Variants in SLC25A23 observed in about 807,000 individuals in gnomAD.
The protein encoded by SLC25A23 is solute carrier family 25 member 23.
In SLC25A23, 32 loss-of-function variants were observed where a neutral mutation model predicts 53.9. The ratio of observed to expected loss-of-function variants is 0.59; its 90% CI spans 0.45 to 0.80. The LOEUF is 0.80. Ranked by LOEUF, SLC25A23 falls within the 30% of genes least tolerant of loss-of-function variation. The pLI, the probability that SLC25A23 is intolerant of heterozygous loss-of-function variation, is 0.00. For missense variants in SLC25A23, 575 were observed against 651.4 expected (o/e 0.88, Z 1.28); for synonymous variants, 275 against 264.5 (o/e 1.04, Z -0.38).
chr19:6,442,536 C>T (rs545550076), intron 9 of SLC25A23, among the ~76,000 whole-genome samples: 1 of 152,228 alleles, frequency 6.6e-6, no homozygotes, highest in East Asian at 1.9e-4. Flanking sequence ...AGTCAGGCTC[C>T]TCCCTGCCCT....
In SLC25A23 at chr19:6,449,477, C is replaced by T. The variant is rs192982726; in HGVS notation, c.1071+2835G>A. 2.6e-3 allele frequency among the ~76,000 whole-genome samples: 388 copies of T among 151,640 alleles called. 1 individual carries two copies. Among genetic ancestry groups the T allele is most frequent in the South Asian group, 3.7e-3 (18 of 4,814 alleles). On this transcript the variant is annotated intron_variant, in intron 8 of 9. Coordinates refer to ENST00000301454, the MANE Select transcript of SLC25A23 (RefSeq NM_024103.3). ...TCACCCAGGCTGGAGTGCAGTGGCA[C>T]GATCTCAGCTCACTGCAAGCTCCGC...
Position 6,454,578 on chromosome 19 carries a change from C to A in SLC25A23, c.623G>T (p.Arg208Leu). 2 of 1,613,690 alleles carry A rather than the reference C, an allele frequency of 1.2e-6. No individual in the cohort carries two copies. Among genetic ancestry groups the A allele is most frequent in the Non-Finnish European group, 1.7e-6 (2 of 1,179,954 alleles). ...CCTCACCTGCATGAAGACCTTGAGGCGGTCCAGAGGGGCCGTGCCTGTCCG... is the reference window on the plus strand; with the variant it reads ...CCTCACCTGCATGAAGACCTTGAGGAGGTCCAGAGGGGCCGTGCCTGTCCG... ...VSRTGTAPLD[R>L]LKVFMQVHAS... Residue 208 changes from arginine to leucine, a missense_variant, in exon 5 of 10, where the codon CGC (arginine) becomes CTC (leucine). Physicochemically the swap from Arg to Leu is moderately radical, Grantham distance 102 (BLOSUM62 -2). Transcript: ENST00000301454. This position sits in a 1 kb window ranked among gnomAD's most constrained non-coding sequence, Gnocchi z 4.3.
chr19:6,444,037 G>T, intron 9 of SLC25A23, 114 bp downstream of exon 9: 2 of 1,131,296 alleles, frequency 1.8e-6, no homozygotes, highest in Non-Finnish European at 2.4e-6. Context: ...GGAAACGGAG[G>T]CCCAGAGAAG....
Position 6,456,523 on chromosome 19 carries a change from C to G in SLC25A23, c.380G>C (p.Arg127Pro). 6.2e-7 allele frequency: 1 copy of G among 1,612,700 alleles called. No individual in the cohort carries two copies. Among genetic ancestry groups the G allele is most frequent in the Non-Finnish European group, 8.5e-7 (1 of 1,179,800 alleles). Reference protein sequence around the residue: ...QAEKILHSMDRDGTMTIDWQE... With the variant: ...QAEKILHSMDPDGTMTIDWQE... ...CCAGTCAATGGTCATTGTGCCGTCT[C>G]GGTCCATGCTGGGGGGAAGAAAGGG... Residue 127 changes from arginine to proline, a missense_variant, in exon 4 of 10, where the codon CGA becomes CCA. Arg to Pro is a moderately radical substitution (Grantham distance 103, BLOSUM62 -2). Coordinates refer to ENST00000301454, the MANE Select transcript of SLC25A23 (RefSeq NM_024103.3).
At chr19:6,445,678 A>C (rs2092492551) in intron 8 of SLC25A23, among the ~76,000 whole-genome samples, 1 of 152,192 alleles carries the variant, frequency 6.6e-6, no homozygotes, top group Admixed American at 6.5e-5. Flanking sequence ...CTGTAAGGAT[A>C]TACATTCGTG....
intron 8 of SLC25A23, among the ~76,000 whole-genome samples, chr19:6,451,478 C>T (rs1027676249): frequency 2.6e-5 from 4 of 152,246 alleles, no homozygotes; most frequent in Admixed American, 2.6e-4. Context: ...GCATGGGGCT[C>T]TCTGCGACTT....
At chr19:6,449,269 T>A (rs1209083367) in intron 8 of SLC25A23, among the ~76,000 whole-genome samples, 3 of 151,460 alleles carry the variant, frequency 2.0e-5, no homozygotes, top group Non-Finnish European at 4.4e-5. Context: ...TTTTTTTTTT[T>A]TGAGACAGGA....
intron 3 of SLC25A23, among the ~76,000 whole-genome samples, chr19:6,457,151 C>T (rs891086184): frequency 1.3e-5 from 2 of 151,348 alleles, no homozygotes; most frequent in Non-Finnish European, 2.9e-5. Flanking sequence ...CTGCAACCTC[C>T]ACCTCTTGGG....
Position 6,454,247 on chromosome 19 carries a change from A to G in SLC25A23, c.795+76T>C. 2 of 1,554,308 alleles carry G rather than the reference A, an allele frequency of 1.3e-6. No individual in the cohort carries two copies. The highest frequency in any genetic ancestry group is 4.5e-5 in the East Asian group (2 of 44,338). On this transcript the variant is annotated intron_variant, in intron 6 of 9. Transcript: ENST00000301454. The surrounding 1 kb of genome is among the most constrained non-coding windows in gnomAD (Gnocchi z 4.3). ...GACCTGTGTTCACCACCCACCCCCAAGCCAATCCCGTAAATCTTTATGTAC... is the reference window on the plus strand; with the variant it reads ...GACCTGTGTTCACCACCCACCCCCAGGCCAATCCCGTAAATCTTTATGTAC...
At chr19:6,450,641 C>A (rs1178955581) in intron 8 of SLC25A23, among the ~76,000 whole-genome samples, 1 of 152,144 alleles carries the variant, frequency 6.6e-6, no homozygotes, top group Non-Finnish European at 1.5e-5. Flanking sequence ...AATGAGTGAG[C>A]AACGGTCTTG....
chr19:6,453,932 AG>A (rs1168932340), intron 7 of SLC25A23, 48 bp downstream of exon 7: 5 of 1,480,786 alleles, frequency 3.4e-6, no homozygotes, highest in Non-Finnish European at 3.7e-6. Flanking sequence ...TGGGTACAGC[AG>A]GCCCCCCACC....
Position 6,441,885 on chromosome 19 carries a change from C to T in SLC25A23, c.*90G>A. On this transcript the variant is annotated 3_prime_UTR_variant, in exon 10 of 10. Coordinates refer to ENST00000301454, the MANE Select transcript of SLC25A23 (RefSeq NM_024103.3). The stretch of plus-strand genomic sequence containing the variant: ...GGATCTGGGTACTGGGATCTCGTGG[C>T]CAAAGAGTAGGGATCCTGTGGTTGG... The T allele has an allele frequency of 7.7e-7, 1 of 1,304,138 alleles. No homozygotes were observed. Among genetic ancestry groups the T allele is most frequent in the Non-Finnish European group, 1.1e-6 (1 of 924,236 alleles). The allele number at this position is 1,304,138 out of a possible 1,614,324, so 80.8% of individuals were successfully genotyped here. A position where few individuals can be genotyped will look rare whatever the true frequency, so the allele number is the denominator to read the frequency against.
In SLC25A23 at chr19:6,454,210, C is replaced by T; in HGVS notation, c.795+113G>A. 6.6e-7 allele frequency: 1 copy of T among 1,505,436 alleles called. No individual in the cohort carries two copies. The highest frequency in any genetic ancestry group is 1.3e-5 in the South Asian group (1 of 78,952). The allele number at this position is 1,505,436 out of a possible 1,614,324, so 93.3% of individuals were successfully genotyped here. A position where few individuals can be genotyped will look rare whatever the true frequency, so the allele number is the denominator to read the frequency against. ...AGGCATTCATGCAGAGGAGCAGATG[C>T]CTGATCCTGGGGACCTGTGTTCACC... On this transcript the variant is annotated intron_variant, in intron 6 of 9. Transcript: ENST00000301454. This position sits in a 1 kb window ranked among gnomAD's most constrained non-coding sequence, Gnocchi z 4.3.
chr19:6,442,958 A>C (rs2092445440), intron 9 of SLC25A23, among the ~76,000 whole-genome samples: 1 of 103,254 alleles, frequency 9.7e-6, no homozygotes, highest in African/African-American at 3.7e-5. Context: ...TTTTTTTGAG[A>C]CAGAGTTTTC....
chr19:6,459,765 G>A lies in SLC25A23; in HGVS notation c.-137C>T. 1 of 699,500 alleles carries A rather than the reference G, an allele frequency of 1.4e-6. No individual in the cohort carries two copies. Among genetic ancestry groups the A allele is most frequent in the Non-Finnish European group, 1.9e-6 (1 of 516,612 alleles). 43.3% of individuals were successfully genotyped at this position (699,500 alleles called of 1,614,324 possible). Reference sequence around the variant, plus strand: ...TCCGCAGCCTCCGCGCAGTCCGCTCGGCTCTGGCACTTGCGGGAGGTGGTG... The same window carrying A: ...TCCGCAGCCTCCGCGCAGTCCGCTCAGCTCTGGCACTTGCGGGAGGTGGTG... On this transcript the variant is annotated 5_prime_UTR_variant, in exon 1 of 10. Transcript: ENST00000301454. The surrounding 1 kb of genome is among the most constrained non-coding windows in gnomAD (Gnocchi z 4.6).
chr19:6,438,625 A>G (rs112460190), downstream of SLC25A23: 2,860 of 155,874 alleles, frequency 0.018, 37 homozygotes, highest in South Asian at 0.037. Context: ...GAGGTAGGCA[A>G]ATCACCTGAG....
intron 9 of SLC25A23, 75 bp downstream of exon 9, chr19:6,444,076 C>G: frequency 7.0e-7 from 1 of 1,432,438 alleles, no homozygotes; most frequent in Admixed American, 2.6e-5. Context: ...GGTCCCAGCC[C>G]AGGGCTCTAC....
At chr19:6,455,241 C>T (rs2092661245) in intron 4 of SLC25A23, among the ~76,000 whole-genome samples, 1 of 152,154 alleles carries the variant, frequency 6.6e-6, no homozygotes, top group African/African-American at 2.4e-5. Context: ...CACTGCATTT[C>T]AGCCTGGGAA....
chr19:6,454,170 G>T lies in SLC25A23; in HGVS notation c.796-82C>A. 6.6e-7 allele frequency: 1 copy of T among 1,524,184 alleles called. No individual in the cohort carries two copies. Among genetic ancestry groups the T allele is most frequent in the Admixed American group, 1.9e-5 (1 of 53,704 alleles). 94.4% of individuals were successfully genotyped at this position (1,524,184 alleles called of 1,614,324 possible). On this transcript the variant is annotated intron_variant, in intron 6 of 9. Transcript: ENST00000301454. The surrounding 1 kb of genome is among the most constrained non-coding windows in gnomAD (Gnocchi z 4.3). ...CTCCACTGTTCTCCTGGCTTCCAAA[G>T]AACTGGCTTGCTGCAGGCATTCATG... is the stretch of plus-strand genomic sequence containing the variant.
Sources: allele counts gnomAD v4.1 joint callset (sites outside exome capture counted in the v4.1 genomes callset), GRCh38; gene constraint gnomAD v4.1.1; non-coding constraint Gnocchi (gnomAD v3.1); transcripts MANE v1.5; gene names NCBI Gene and HGNC (gene_info 2026-07-23, HGNC 2026-07-21).